The following PPP1R9A variants were observed in gnomAD, a reference collection of about 807,000 sequenced individuals.
PPP1R9A encodes the protein protein phosphatase 1 regulatory subunit 9A, also known as neurabin-1.
PPP1R9A carries 59 observed loss-of-function variants against 141.9 expected under a neutral mutation model. That is an observed-to-expected ratio of 0.42 (90% CI 0.34 to 0.52). The LOEUF is 0.52. Ranked by LOEUF, PPP1R9A falls within the 20% of genes least tolerant of loss-of-function variation. The pLI is 0.10. For missense variants in PPP1R9A, 1,444 were observed against 1,611.9 expected (o/e 0.90, Z 1.78); for synonymous variants, 500 against 569.7 (o/e 0.88, Z 1.74).
At chr7:94,993,717 T>TA (rs2151449322) in intron 2 of PPP1R9A, among the ~76,000 whole-genome samples, 1 of 152,324 alleles carries the variant, frequency 6.6e-6, no homozygotes, top group African/African-American at 2.4e-5. Flanking sequence ...CAGTGGGTTT[T>TA]AAAAATACTT....
intron 2 of PPP1R9A, among the ~76,000 whole-genome samples, chr7:94,914,849 G>A (rs1286745697): frequency 6.6e-6 from 1 of 152,140 alleles, no homozygotes; most frequent in African/African-American, 2.4e-5. Context: ...ATGAAGTAAG[G>A]AGCTGCTGGT....
At chr7:95,178,584 A>C (rs2152779093) in intron 5 of PPP1R9A, among the ~76,000 whole-genome samples, 1 of 152,258 alleles carries the variant, frequency 6.6e-6, no homozygotes, top group Admixed American at 6.5e-5. Flanking sequence ...AAGATAAATG[A>C]AAAGTTGGTT....
At chr7:95,187,313 A>G (rs1460798990) in intron 5 of PPP1R9A, among the ~76,000 whole-genome samples, 2 of 152,086 alleles carry the variant, frequency 1.3e-5, no homozygotes, top group East Asian at 3.8e-4. Flanking sequence ...AAAGGTGTTT[A>G]TAGTAGCCTT....
rs1807894159 is a variant in PPP1R9A, at chr7:95,033,003, T to C, written c.1396-78256T>C. ...GTATACCTTACTCTTTAATTTTTAA[T>C]TTTTTAATTTTTTTATTTTGAGACA... On this transcript the variant is annotated intron_variant, in intron 2 of 19. Transcript: ENST00000433360. Among the ~76,000 whole-genome samples the C allele has an allele frequency of 2.0e-5, 3 of 151,828 alleles. 1 individual carries two copies. The South Asian group carries it at 6.3e-4, about 32-fold the overall frequency.
intron 4 of PPP1R9A, among the ~76,000 whole-genome samples, chr7:95,148,104 G>T (rs894983040): frequency 6.6e-6 from 1 of 152,010 alleles, no homozygotes; most frequent in Admixed American, 6.6e-5. Context: ...TAGAAAAGAA[G>T]AAAGATCTAA....
chr7:94,949,222 G>C (rs1796202472), intron 2 of PPP1R9A, among the ~76,000 whole-genome samples: 1 of 152,106 alleles, frequency 6.6e-6, no homozygotes, highest in Admixed American at 6.6e-5. Context: ...TGACTCAAGG[G>C]CTAGCACTTG....
chr7:95,030,629 A>G (rs1277299594), intron 2 of PPP1R9A, among the ~76,000 whole-genome samples: 2 of 152,106 alleles, frequency 1.3e-5, no homozygotes, highest in Non-Finnish European at 2.9e-5. Flanking sequence ...AGTTCTTACC[A>G]TTATAATGAC....
At chr7:94,909,158 G>A (rs957060967) in intron 1 of PPP1R9A, among the ~76,000 whole-genome samples, 1 of 152,090 alleles carries the variant, frequency 6.6e-6, no homozygotes, top group African/African-American at 2.4e-5. Flanking sequence ...GTGAAAAGGG[G>A]TGTCACAGTA....
At chr7:95,037,247 A>G (rs918567167) in intron 2 of PPP1R9A, 4 of 152,130 alleles carry the variant, frequency 2.6e-5, no homozygotes, top group Non-Finnish European at 4.4e-5. Flanking sequence ...TTCCATTATT[A>G]GTAATGGAAA....
intron 4 of PPP1R9A, among the ~76,000 whole-genome samples, chr7:95,161,576 A>G (rs1830469278): frequency 1.3e-5 from 2 of 152,166 alleles, no homozygotes; most frequent in Non-Finnish European, 2.9e-5. Flanking sequence ...GATTACTTCT[A>G]ATATGTAATA....
In PPP1R9A at chr7:95,284,190, C is replaced by G. The variant is rs1804834435; in HGVS notation, c.3469C>G (p.Leu1157Val). 3 of 1,582,812 alleles carry G rather than the reference C, an allele frequency of 1.9e-6. No individual in the cohort carries two copies. Among genetic ancestry groups the G allele is most frequent in the Non-Finnish European group, 2.6e-6 (3 of 1,164,750 alleles). Residue 1157 changes from leucine (L) to valine (V), a missense_variant, in exon 17 of 20, where the codon CTA (leucine) becomes GTA (valine). Coordinates refer to ENST00000433360, the MANE Select transcript of PPP1R9A (RefSeq NM_001166160.2). ...TSSLQPSPET[L>V]ISDKKGSKVE... ...TTCCCTTCAGCCTTCTCCTGAGACT[C>G]TAATTTCAGATAAAAAGGGGTCCAA...
At chr7:95,248,870 T>C (rs539866743) in intron 9 of PPP1R9A, among the ~76,000 whole-genome samples, 1 of 152,186 alleles carries the variant, frequency 6.6e-6, no homozygotes, top group Non-Finnish European at 1.5e-5. Context: ...CAAATGTGTT[T>C]AGTTAAAAAT....
chr7:95,239,176 A>G (rs758281502), intron 8 of PPP1R9A, among the ~76,000 whole-genome samples: 1 of 152,146 alleles, frequency 6.6e-6, no homozygotes, highest in Non-Finnish European at 1.5e-5. Context: ...ATTGAGAATT[A>G]TATATACTGA....
At chr7:95,124,044 A>G (rs1823106819) in intron 4 of PPP1R9A, among the ~76,000 whole-genome samples, 2 of 152,198 alleles carry the variant, frequency 1.3e-5, no homozygotes, top group South Asian at 4.1e-4. Context: ...AAGAAAATTG[A>G]GGGTGGTTGT....
chr7:95,288,752 G>C, intron 19 of PPP1R9A, 34 bp downstream of exon 19: 2 of 1,598,754 alleles, frequency 1.3e-6, no homozygotes, highest in Non-Finnish European at 8.5e-7. Context: ...AGGTTACCAG[G>C]TATAATTTGT....
chr7:95,143,652 G>T (rs1827090882), intron 4 of PPP1R9A, among the ~76,000 whole-genome samples: 1 of 152,116 alleles, frequency 6.6e-6, no homozygotes, highest in South Asian at 2.1e-4. Context: ...TGAAACCCCT[G>T]GCAGAGGCCC....
intron 4 of PPP1R9A, among the ~76,000 whole-genome samples, chr7:95,152,154 G>A (rs1243356871): frequency 6.6e-6 from 1 of 151,760 alleles, no homozygotes; most frequent in East Asian, 1.9e-4. Context: ...GTTTCACCAT[G>A]TTGGCCAGGA....
chr7:95,249,522 A>G (rs550366278), intron 9 of PPP1R9A, among the ~76,000 whole-genome samples: 123 of 152,250 alleles, frequency 8.1e-4, no homozygotes, highest in African/African-American at 2.8e-3. Flanking sequence ...TTAATGGCCA[A>G]TAATGACAGA....
intron 2 of PPP1R9A, among the ~76,000 whole-genome samples, chr7:95,073,734 T>TATAA (rs1814375039): frequency 6.8e-6 from 1 of 147,096 alleles, no homozygotes; most frequent in Non-Finnish European, 1.5e-5. Context: ...TACATATATA[T>TATAA]ATAAATAAAT....
Sources: allele counts gnomAD v4.1 joint callset (sites outside exome capture counted in the v4.1 genomes callset), GRCh38; gene constraint gnomAD v4.1.1; transcripts MANE v1.5; gene names NCBI Gene and HGNC (gene_info 2026-07-23, HGNC 2026-07-21).